NEDD4: variants seen among roughly 807,000 people sequenced by gnomAD.
NEDD4 encodes the protein NEDD4 E3 ubiquitin protein ligase, also known as E3 ubiquitin-protein ligase NEDD4.
Under a neutral mutation model 144.9 loss-of-function variants are expected in NEDD4, and 99 were observed. The observed-to-expected ratio is 0.68, with a 90% CI of 0.58 to 0.81. The LOEUF (loss-of-function observed/expected upper bound fraction) is 0.81. NEDD4 is among the 30% of genes least tolerant of loss of function. The pLI is 0.00. For synonymous variants in NEDD4, 318 were observed against 350.6 expected, an observed-to-expected ratio of 0.91 and a Z score of 1.04; for missense variants, 985 against 1,065.9, an observed-to-expected ratio of 0.92 and a Z score of 1.06.
intron 5 of NEDD4, among the ~76,000 whole-genome samples, chr15:55,923,644 T>C (rs1349596030): frequency 4.6e-5 from 2 of 43,174 alleles, no homozygotes; most frequent in African/African-American, 1.5e-4. Context: ...AGACTCCATC[T>C]CAAAAAAAAA....
intron 5 of NEDD4, chr15:55,916,889 T>C (rs1458818607): frequency 1.3e-5 from 20 of 1,531,696 alleles, no homozygotes; most frequent in Admixed American, 2.1e-5. Context: ...TCTCTGTCCG[T>C]AGACAGGCTA....
intron 27 of NEDD4, 75 bp downstream of exon 27, chr15:55,832,933 C>CTTGAGGA: frequency 3.1e-6 from 3 of 981,248 alleles, no homozygotes; most frequent in Non-Finnish European, 4.7e-6. Flanking sequence ...ATGATGGAAG[C>CTTGAGGA]TTGCGGATTC....
intron 1 of NEDD4, among the ~76,000 whole-genome samples, chr15:55,983,372 C>T (rs2037837163): frequency 2.6e-5 from 4 of 152,164 alleles, no homozygotes. Context: ...ACACGGCATG[C>T]CAGGCTTGCC....
chr15:55,883,455 A>C lies in NEDD4; in HGVS notation c.292-9447T>G, dbSNP rs1034056947. Among the ~76,000 whole-genome samples, 4 of 152,096 alleles carry C rather than the reference A, an allele frequency of 2.6e-5. No homozygotes were observed. The South Asian group carries it at 8.3e-4, about 32-fold the overall frequency. ...TCTGAATGCACTCTGGGCCCAAGGT[A>C]ACTTGCTGCCCTGAAGAGAAGGTCA... On this transcript the variant is annotated intron_variant, in intron 5 of 28. Coordinates refer to ENST00000435532, the MANE Select transcript of NEDD4 (RefSeq NM_006154.4).
chr15:55,837,871 T>C, intron 23 of NEDD4, 22 bp from the exon 24 acceptor site: 1 of 1,587,494 alleles, frequency 6.3e-7, no homozygotes, highest in East Asian at 2.2e-5. Context: ...CAACATTTCA[T>C]TTTCATGTGA....
At chr15:55,893,743 C>T (rs931742105) in intron 5 of NEDD4, among the ~76,000 whole-genome samples, 1 of 148,870 alleles carries the variant, frequency 6.7e-6, no homozygotes, top group Non-Finnish European at 1.5e-5. Context: ...ATAATAAAAA[C>T]TATTATTTTA....
intron 5 of NEDD4, among the ~76,000 whole-genome samples, chr15:55,899,874 A>T (rs2035858282): frequency 6.6e-6 from 1 of 152,214 alleles, no homozygotes; most frequent in South Asian, 2.1e-4. Context: ...ATTTAAGCTA[A>T]TTTAAATCTC....
At chr15:55,965,494 C>G (rs545799946) in intron 2 of NEDD4, among the ~76,000 whole-genome samples, 14 of 152,244 alleles carry the variant, frequency 9.2e-5, no homozygotes, top group African/African-American at 3.1e-4. Context: ...ACTGTGATCT[C>G]TGTTCAGATC....
rs183369026 is a variant in NEDD4, at chr15:55,975,132, A to G, written c.46-8586T>C. ...GGTCTCAAACTCCTGACCTCAGGCA[A>G]TCCACCCACCTCGGCCTCTCAAAGT... On this transcript the variant is annotated intron_variant, in intron 1 of 28. Transcript: ENST00000435532. 2.1e-4 allele frequency among the ~76,000 whole-genome samples: 32 copies of G among 151,980 alleles called. No homozygotes were observed. The East Asian group carries it at 5.4e-3, about 26-fold the overall frequency.
At chr15:55,953,094 A>G (rs2037273971) in intron 2 of NEDD4, among the ~76,000 whole-genome samples, 1 of 150,220 alleles carries the variant, frequency 6.7e-6, no homozygotes, top group Non-Finnish European at 1.5e-5. Flanking sequence ...GGTTCATGCC[A>G]TTCTCCTGCC....
chr15:55,949,464 G>T (rs1337120101), intron 4 of NEDD4, among the ~76,000 whole-genome samples: 4 of 152,076 alleles, frequency 2.6e-5, no homozygotes, highest in Admixed American at 6.6e-5. Flanking sequence ...TATACCCAAA[G>T]GATTATAAAT....
Position 55,863,074 on chromosome 15 carries a change from G to C in NEDD4, c.513C>G (p.Gly171=). The C allele has an allele frequency of 1.3e-6, 2 of 1,566,412 alleles. No homozygotes were observed. The highest frequency in any genetic ancestry group is 2.4e-5 in the South Asian group (2 of 84,490). Residue 171 remains glycine, a synonymous_variant, in exon 9 of 29, where the codon GGC becomes GGG. Coordinates refer to ENST00000435532, the MANE Select transcript of NEDD4 (RefSeq NM_006154.4). The part of the protein sequence containing the change: ...NAEQAEELEP[G]WVVLDQPDAA... ...CATCTGGTTGGTCCAAAACAACCCA[G>C]CCAGGCTGAAAAACAGGATGGCAGC...
chr15:55,961,974 A>G (rs1595877479), intron 2 of NEDD4, among the ~76,000 whole-genome samples: 1 of 152,194 alleles, frequency 6.6e-6, no homozygotes, highest in East Asian at 1.9e-4. Flanking sequence ...CAACTGCTGA[A>G]AGAGAAGTGT....
At chr15:55,906,277 A>C (rs1223752380) in intron 5 of NEDD4, among the ~76,000 whole-genome samples, 1 of 152,186 alleles carries the variant, frequency 6.6e-6, no homozygotes, top group Non-Finnish European at 1.5e-5. Context: ...CCATCCCATT[A>C]CTGGGTATAT....
intron 7 of NEDD4, among the ~76,000 whole-genome samples, chr15:55,871,098 G>A (rs2034778657): frequency 6.6e-6 from 1 of 152,140 alleles, no homozygotes. Context: ...CAAATTTAGT[G>A]TATCCTTTCA....
chr15:55,955,223 A>G (rs144792170), intron 2 of NEDD4, among the ~76,000 whole-genome samples: 370 of 151,738 alleles, frequency 2.4e-3, no homozygotes, highest in Non-Finnish European at 3.9e-3. Flanking sequence ...GGGTTTCACC[A>G]TGTTGCCCAA....
rs147850546 is a variant in NEDD4, at chr15:55,966,794, C to T, written c.46-248G>A. On this transcript the variant is annotated intron_variant, in intron 1 of 28. Transcript: ENST00000435532. Reference sequence around the variant, plus strand: ...TACACTGAATAAGAATTTATCGCTGCGCTCAAGAAAATCTAAAGCCAAAGT... The same window carrying T: ...TACACTGAATAAGAATTTATCGCTGTGCTCAAGAAAATCTAAAGCCAAAGT... 2.5e-3 allele frequency among the ~76,000 whole-genome samples: 380 copies of T among 152,296 alleles called. 3 individuals carry two copies. Among genetic ancestry groups the T allele is most frequent in the Non-Finnish European group, 3.9e-3 (267 of 68,032 alleles).
At chr15:55,971,494 G>A (rs895660572) in intron 1 of NEDD4, among the ~76,000 whole-genome samples, 2 of 151,860 alleles carry the variant, frequency 1.3e-5, no homozygotes, top group South Asian at 2.1e-4. Context: ...GCATGGCAGC[G>A]TGCACCTGTA....
intron 5 of NEDD4, among the ~76,000 whole-genome samples, chr15:55,892,291 A>G (rs1346086668): frequency 7.0e-6 from 1 of 142,456 alleles, no homozygotes; most frequent in East Asian, 2.0e-4. Context: ...TAAATAAATA[A>G]ATAAATAAAT....
Sources: allele counts gnomAD v4.1 joint callset (sites outside exome capture counted in the v4.1 genomes callset), GRCh38; gene constraint gnomAD v4.1.1; transcripts MANE v1.5; gene names NCBI Gene and HGNC (gene_info 2026-07-23, HGNC 2026-07-21).